Variants in RANBP9 observed in about 807,000 individuals in gnomAD.
The protein encoded by RANBP9 is RAN binding protein 9.
In RANBP9, 15 loss-of-function variants were observed where a neutral mutation model predicts 84.3. The observed-to-expected ratio is 0.18, with a 90% CI of 0.12 to 0.27. RANBP9 has a LOEUF of 0.27. Ranked by LOEUF, RANBP9 falls within the 10% of genes least tolerant of loss-of-function variation. The probability of loss-of-function intolerance (pLI) is 1.00; values close to 1 mark genes in which losing one functional copy is unlikely to be tolerated. For missense variants in RANBP9, 809 were observed against 912.8 expected (o/e 0.89, Z 1.46); for synonymous variants, 392 against 349.6 (o/e 1.12, Z -1.35).
chr6:13,683,106 C>T (rs1167593927), intron 2 of RANBP9, among the ~76,000 whole-genome samples: 1 of 152,132 alleles, frequency 6.6e-6, no homozygotes, highest in Non-Finnish European at 1.5e-5. Context: ...TCTGTTTTTC[C>T]ATCTGACAAC....
At chr6:13,657,083 T>C (rs1230534304) in intron 4 of RANBP9, 26 bp downstream of exon 4, 2 of 1,555,258 alleles carry the variant, frequency 1.3e-6, no homozygotes, top group Non-Finnish European at 1.8e-6. Context: ...TTTGGTTATT[T>C]TGCATGCAAT....
At chr6:13,670,504 T>C (rs1029965368) in intron 2 of RANBP9, among the ~76,000 whole-genome samples, 10 of 151,294 alleles carry the variant, frequency 6.6e-5, no homozygotes, top group Non-Finnish European at 1.0e-4. Flanking sequence ...CAAGAAAAAA[T>C]AGACAAACTA....
chr6:13,657,082 T>G (rs1377719167), intron 4 of RANBP9, 27 bp downstream of exon 4: 1 of 1,552,162 alleles, frequency 6.4e-7, no homozygotes, highest in Non-Finnish European at 8.8e-7. Context: ...ATTTGGTTAT[T>G]TTGCATGCAA....
chr6:13,662,939 G>C (rs371288149), intron 2 of RANBP9, among the ~76,000 whole-genome samples: 2 of 152,012 alleles, frequency 1.3e-5, no homozygotes, highest in South Asian at 2.1e-4. Flanking sequence ...TAGGGGTATG[G>C]GGGGAAAGAG....
At chr6:13,690,672 T>A (rs894000911) in intron 2 of RANBP9, among the ~76,000 whole-genome samples, 1 of 152,292 alleles carries the variant, frequency 6.6e-6, no homozygotes, top group Admixed American at 6.5e-5. Flanking sequence ...AACTTTCAAA[T>A]AAAAATTTTG....
In RANBP9 at chr6:13,621,754, A is replaced by AAAG. The variant is rs1764454086; in HGVS notation, c.*605_*607dup. 1 of 152,658 alleles carries AAAG rather than the reference A, an allele frequency of 6.6e-6. No individual in the cohort carries two copies. The highest frequency in any genetic ancestry group is 2.1e-4 in the South Asian group (1 of 4,838). The allele number at this position is 152,658 out of a possible 1,614,324, so 9.5% of individuals were successfully genotyped here. A position where few individuals can be genotyped will look rare whatever the true frequency, so the allele number is the denominator to read the frequency against. The stretch of plus-strand genomic sequence containing the variant: ...TAGTTAAACAGGAAACAAAGTTGAA[A>AAAG]AAGACCATGTTAAAACAAAACTACT... On this transcript the variant is annotated 3_prime_UTR_variant, in exon 14 of 14. Coordinates refer to ENST00000011619, the MANE Select transcript of RANBP9 (RefSeq NM_005493.3).
intron 1 of RANBP9, 38 bp downstream of exon 1, chr6:13,710,897 C>T (rs1465398838): frequency 1.9e-6 from 3 of 1,555,208 alleles, no homozygotes; most frequent in South Asian, 2.3e-5. Context: ...CACGTCGGGT[C>T]AGTGCCCCAC....
intron 5 of RANBP9, among the ~76,000 whole-genome samples, chr6:13,652,371 G>C (rs1456954362): frequency 6.6e-6 from 1 of 152,144 alleles, no homozygotes; most frequent in African/African-American, 2.4e-5. Flanking sequence ...CTGCTGAAAA[G>C]TCCAAGGAAA....
chr6:13,659,424 C>T (rs1765491188), intron 2 of RANBP9, among the ~76,000 whole-genome samples: 1 of 152,092 alleles, frequency 6.6e-6, no homozygotes, highest in Non-Finnish European at 1.5e-5. Flanking sequence ...TCTACCTAAA[C>T]AGAGGGTTCT....
intron 2 of RANBP9, among the ~76,000 whole-genome samples, chr6:13,676,234 ATTAT>A (rs1480710411): frequency 5.2e-4 from 79 of 152,142 alleles, no homozygotes; most frequent in African/African-American, 1.8e-3. Context: ...ATCTGCATTC[ATTAT>A]TTTTTTTTAT....
In RANBP9 at chr6:13,711,537, A is replaced by T; in HGVS notation, c.-32T>A. The stretch of plus-strand genomic sequence containing the variant: ...CGCGACTCAGCCTGCGGCCACCTCC[A>T]CCTCTTCTCTCCTTCCTCCTCTGCT... On this transcript the variant is annotated 5_prime_UTR_variant, in exon 1 of 14. Coordinates refer to ENST00000011619, the MANE Select transcript of RANBP9 (RefSeq NM_005493.3). 1 of 1,239,752 alleles carries T rather than the reference A, an allele frequency of 8.1e-7. No individual in the cohort carries two copies. The highest frequency in any genetic ancestry group is 1.0e-6 in the Non-Finnish European group (1 of 987,540). 76.8% of individuals were successfully genotyped at this position (1,239,752 alleles called of 1,614,324 possible).
chr6:13,643,947 A>G (rs1765124376), intron 6 of RANBP9, among the ~76,000 whole-genome samples: 1 of 152,196 alleles, frequency 6.6e-6, no homozygotes, highest in Non-Finnish European at 1.5e-5. Flanking sequence ...AGAATATTCA[A>G]AGCAATTATA....
intron 8 of RANBP9, 74 bp from the exon 9 acceptor site, chr6:13,639,827 A>G: frequency 7.8e-7 from 1 of 1,280,776 alleles, no homozygotes; most frequent in South Asian, 1.4e-5. Flanking sequence ...CAGATTTCTA[A>G]AAATATTTTT....
intron 2 of RANBP9, among the ~76,000 whole-genome samples, chr6:13,683,679 A>G (rs1369172169): frequency 6.6e-6 from 1 of 152,060 alleles, no homozygotes; most frequent in East Asian, 1.9e-4. Context: ...GCTTTTAAAA[A>G]TATGTTATTT....
intron 12 of RANBP9, among the ~76,000 whole-genome samples, chr6:13,628,096 T>C (rs1441256806): frequency 1.3e-5 from 2 of 152,236 alleles, no homozygotes; most frequent in African/African-American, 4.8e-5. Flanking sequence ...ATATGGATCA[T>C]CTATTTAATC....
At chr6:13,696,518 G>T (rs551914508) in intron 2 of RANBP9, among the ~76,000 whole-genome samples, 9 of 152,162 alleles carry the variant, frequency 5.9e-5, no homozygotes, top group Non-Finnish European at 8.8e-5. Context: ...CATGGAAAAT[G>T]AGTCACCATC....
rs148137738 is a variant in RANBP9, at chr6:13,637,669, G to A, written c.1673+139C>T. 30 of 790,432 alleles carry A rather than the reference G, an allele frequency of 3.8e-5. No homozygotes were observed. In the South Asian group the frequency reaches 6.5e-4, roughly 17 times the overall value. The allele number at this position is 790,432 out of a possible 1,614,324, so 49.0% of individuals were successfully genotyped here. A position where few individuals can be genotyped will look rare whatever the true frequency, so the allele number is the denominator to read the frequency against. ...AAGCTTTGGGGAACTGACTCCCTAC[G>A]CTTTTATTCTCTGGGGGCTTAAGAA... On this transcript the variant is annotated intron_variant, in intron 10 of 13. Coordinates refer to ENST00000011619, the MANE Select transcript of RANBP9 (RefSeq NM_005493.3).
intron 3 of RANBP9, among the ~76,000 whole-genome samples, chr6:13,658,525 G>A (rs1372349166): frequency 6.6e-6 from 1 of 152,098 alleles, no homozygotes; most frequent in South Asian, 2.1e-4. Flanking sequence ...CAGGAAAACC[G>A]CTTGATCCCA....
chr6:13,675,173 T>C (rs922674595), intron 2 of RANBP9, among the ~76,000 whole-genome samples: 2 of 152,230 alleles, frequency 1.3e-5, no homozygotes, highest in East Asian at 1.9e-4. Flanking sequence ...CTGGATTTCA[T>C]TGACATTTAT....
Sources: gnomAD v4.1 joint callset for allele counts (sites outside exome capture counted in the v4.1 genomes callset) on GRCh38, gnomAD v4.1.1 for gene constraint, MANE v1.5 for transcripts, NCBI Gene and HGNC (gene_info 2026-07-23, HGNC 2026-07-21) for gene names.